Variants in RBFOX1 observed in about 807,000 individuals in gnomAD.
The protein encoded by RBFOX1 is RNA binding fox-1 homolog 1, also known as RNA binding protein fox-1 homolog 1.
In RBFOX1, 8 loss-of-function variants were observed where a neutral mutation model predicts 57.7. The ratio of observed to expected loss-of-function variants is 0.14; its 90% CI spans 0.08 to 0.25. The LOEUF (loss-of-function observed/expected upper bound fraction) is 0.25. Ranked by LOEUF, RBFOX1 falls within the 10% of genes least tolerant of loss-of-function variation. The pLI is 1.00. For missense variants in RBFOX1, 611 were observed against 548.5 expected, an observed-to-expected ratio of 1.11 and a Z score of -1.14; for synonymous variants, 326 against 222.4, an observed-to-expected ratio of 1.47 and a Z score of -4.15.
chr16:7,252,912 C>G (rs1050358312), intron 4 of RBFOX1, among the ~76,000 whole-genome samples: 1 of 152,036 alleles, frequency 6.6e-6, no homozygotes, highest in East Asian at 1.9e-4. Flanking sequence ...CTTAGAGCCT[C>G]CAAAAATGCA....
chr16:6,377,188 C>T (rs559236053), intron 2 of RBFOX1, among the ~76,000 whole-genome samples: 1 of 149,570 alleles, frequency 6.7e-6, no homozygotes, highest in Non-Finnish European at 1.5e-5. Context: ...GTTAGAGGAT[C>T]ACTTAAGCCC....
At chr16:7,180,346 G>T (rs146174140) in intron 4 of RBFOX1, among the ~76,000 whole-genome samples, 261 of 152,212 alleles carry the variant, frequency 1.7e-3, no homozygotes, top group Middle Eastern at 3.4e-3. Flanking sequence ...GAGAAGTTCA[G>T]TTACAGATAC....
intron 2 of RBFOX1, among the ~76,000 whole-genome samples, chr16:6,637,137 A>ATAT: frequency 2.1e-5 from 2 of 94,000 alleles, no homozygotes; most frequent in African/African-American, 9.5e-5. Flanking sequence ...ATTATATATT[A>ATAT]AATATATAAT....
At chr16:7,099,468 G>A (rs889860250) in intron 4 of RBFOX1, among the ~76,000 whole-genome samples, 1 of 152,102 alleles carries the variant, frequency 6.6e-6, no homozygotes, top group African/African-American at 2.4e-5. Flanking sequence ...GGTTTGCACT[G>A]GTATGTGAGA....
intron 3 of RBFOX1, among the ~76,000 whole-genome samples, chr16:5,724,275 G>T (rs1043156562): frequency 1.9e-4 from 29 of 152,194 alleles, no homozygotes; most frequent in African/African-American, 6.5e-4. Flanking sequence ...TGTCAGAGAG[G>T]CTGAGCCAGG....
At chr16:5,276,441 T>A (rs2063142195) in intron 1 of RBFOX1, among the ~76,000 whole-genome samples, 1 of 152,154 alleles carries the variant, frequency 6.6e-6, no homozygotes, top group African/African-American at 2.4e-5. Context: ...ACATCACTAA[T>A]TATCAGGGAA....
intron 4 of RBFOX1, among the ~76,000 whole-genome samples, chr16:5,908,289 C>CACACATATATACAT (rs1567134149): frequency 1.3e-5 from 1 of 74,870 alleles, no homozygotes; most frequent in Non-Finnish European, 3.2e-5. Flanking sequence ...CATATATATA[C>CACACATATATACAT]ACATATATAT....
At position 7,623,172 on chromosome 16, in the gene RBFOX1, A is replaced by G. The variant is rs567711935; in HGVS notation, c.677-7431A>G. Among the ~76,000 whole-genome samples, 19 of 152,308 alleles carry G rather than the reference A, an allele frequency of 1.2e-4. No homozygotes were observed. In the South Asian group the frequency reaches 3.9e-3, roughly 32 times the overall value. On this transcript the variant is annotated intron_variant, in intron 10 of 15. Coordinates refer to ENST00000550418, the MANE Select transcript of RBFOX1 (RefSeq NM_018723.4). The stretch of plus-strand genomic sequence containing the variant: ...GCTAGTGCTGCCATAGCAAAGTATC[A>G]CAGACTGGATGGCTTAACAAGCAGT...
intron 4 of RBFOX1, among the ~76,000 whole-genome samples, chr16:7,494,402 C>A (rs912293473): frequency 1.3e-5 from 2 of 152,104 alleles, no homozygotes; most frequent in African/African-American, 4.8e-5. Flanking sequence ...TGTGATGTGT[C>A]ACACTCCTTC....
intron 2 of RBFOX1, among the ~76,000 whole-genome samples, chr16:6,625,520 C>A (rs186410722): frequency 2.0e-5 from 3 of 152,206 alleles, no homozygotes; most frequent in Non-Finnish European, 2.9e-5. Flanking sequence ...TCACTCAGTT[C>A]GTTAAAACTT....
rs373615997 is a variant in RBFOX1 at position 5,809,477 on chromosome 16, GAAA to G, written c.319-57821_319-57819del. The stretch of plus-strand genomic sequence containing the variant: ...AAAATGAACTCAAACAAATTTACAA[GAAA>G]AAAACAAACAACCCCATCAAAAACT... On this transcript the variant is annotated intron_variant, in intron 3 of 19. Transcript: ENST00000641259. Among the ~76,000 whole-genome samples the G allele has an allele frequency of 1.5e-3, 224 of 151,914 alleles. 1 individual carries two copies. Among genetic ancestry groups the G allele is most frequent in the East Asian group, 0.011 (55 of 5,160 alleles).
At chr16:7,032,706 G>C (rs1191372653) in intron 3 of RBFOX1, among the ~76,000 whole-genome samples, 4 of 151,898 alleles carry the variant, frequency 2.6e-5, no homozygotes, top group African/African-American at 9.7e-5. Context: ...TTCATTTTCA[G>C]GTAGTTTTAT....
At chr16:7,566,673 C>G (rs192195194) in intron 5 of RBFOX1, among the ~76,000 whole-genome samples, 116 of 152,194 alleles carry the variant, frequency 7.6e-4, no homozygotes, top group African/African-American at 2.5e-3. Flanking sequence ...ATCCTGTATC[C>G]CAGACCATTT....
In RBFOX1 at chr16:7,359,151, G is replaced by A. The variant is rs144391856; in HGVS notation, c.28-158996G>A. Among the ~76,000 whole-genome samples the A allele has an allele frequency of 4.7e-3, 718 of 152,254 alleles. 5 individuals carry two copies. Among genetic ancestry groups the A allele is most frequent in the African/African-American group, 0.016 (676 of 41,540 alleles). On this transcript the variant is annotated intron_variant, in intron 4 of 15. Transcript: ENST00000550418. ...CTTTGGGTCCAATTCCTAGCCATCC[G>A]TGCAAATGCTGTGTGACCTTTGGCA...
At chr16:5,908,970 C>G (rs1035505772) in intron 4 of RBFOX1, among the ~76,000 whole-genome samples, 2 of 152,024 alleles carry the variant, frequency 1.3e-5, no homozygotes, top group Admixed American at 6.6e-5. Context: ...AACACCAAAT[C>G]TGCTAGAGAC....
intron 3 of RBFOX1, among the ~76,000 whole-genome samples, chr16:6,842,172 A>G (rs1215983604): frequency 6.6e-6 from 1 of 151,518 alleles, no homozygotes; most frequent in Non-Finnish European, 1.5e-5. Flanking sequence ...ATAAATAAAT[A>G]AATAAATAAA....
intron 3 of RBFOX1, among the ~76,000 whole-genome samples, chr16:6,841,623 C>G (rs539795308): frequency 7.9e-5 from 12 of 152,218 alleles, no homozygotes; most frequent in Admixed American, 2.0e-4. Context: ...AAAACTCTCA[C>G]GAATGCTTTT....
chr16:6,761,935 T>C (rs908667423), intron 3 of RBFOX1, among the ~76,000 whole-genome samples: 3 of 152,074 alleles, frequency 2.0e-5, no homozygotes, highest in African/African-American at 7.2e-5. Context: ...TGATGATCAT[T>C]TATCTCTGAC....
rs57494867 is a variant in RBFOX1, at chr16:6,874,509, T to TAA, written c.-15-177520_-15-177519dup. Reference sequence around the variant, plus strand: ...CTGGGCGACAGAGCAAGACTCCATCTAAAAAAAAAAAAAAAAAAAAAAAAA... The same window carrying TAA: ...CTGGGCGACAGAGCAAGACTCCATCTAAAAAAAAAAAAAAAAAAAAAAAAAAA... On this transcript the variant is annotated intron_variant, in intron 3 of 15. Coordinates refer to ENST00000550418, the MANE Select transcript of RBFOX1 (RefSeq NM_018723.4). 8.7e-4 allele frequency among the ~76,000 whole-genome samples: 62 copies of TAA among 71,110 alleles called. 1 individual carries two copies. The highest frequency in any genetic ancestry group is 9.4e-3 in the Middle Eastern group (1 of 106). 46.7% of individuals were successfully genotyped at this position (71,110 alleles called of 152,430 possible). A position where few individuals can be genotyped will look rare whatever the true frequency, so the allele number is the denominator to read the frequency against.
Sources: allele counts gnomAD v4.1 joint callset (sites outside exome capture counted in the v4.1 genomes callset), GRCh38; gene constraint gnomAD v4.1.1; transcripts MANE v1.5; gene names NCBI Gene and HGNC (gene_info 2026-07-23, HGNC 2026-07-21).